Variants in IL12RB2 observed in about 807,000 individuals in gnomAD.
IL12RB2 encodes interleukin-12 receptor subunit beta-2.
In IL12RB2, 82 loss-of-function variants were observed where a neutral mutation model predicts 89.4. The ratio of observed to expected loss-of-function variants is 0.92; its 90% CI spans 0.77 to 1.10. The LOEUF is 1.10. Among genes scored for constraint, IL12RB2 ranks in the 50% least tolerant of loss-of-function variants. The pLI, the probability that IL12RB2 is intolerant of heterozygous loss-of-function variation, is 0.00. For missense variants in IL12RB2, 963 were observed against 1,031.9 expected, an observed-to-expected ratio of 0.93 and a Z score of 0.92; for synonymous variants, 368 against 370.1, an observed-to-expected ratio of 0.99 and a Z score of 0.07.
In IL12RB2 at chr1:67,328,259, A is replaced by G; in HGVS notation, c.539A>G (p.Tyr180Cys). 6.2e-7 allele frequency: 1 copy of G among 1,614,160 alleles called. No individual in the cohort carries two copies. Among genetic ancestry groups the G allele is most frequent in the Non-Finnish European group, 8.5e-7 (1 of 1,180,016 alleles). The stretch of plus-strand genomic sequence containing the variant: ...CAATGTAAAGACATTTATTGTGACT[A>G]TTTGGACTTTGGAATCAACCTCACC... ...QKQCKDIYCDYLDFGINLTPE... is the reference protein window; with the variant it reads ...QKQCKDIYCDCLDFGINLTPE... The change falls in exon 6 of 17, where the codon TAT becomes TGT. Residue 180 changes from tyrosine to cysteine, a missense_variant. Tyr to Cys is a radical substitution (Grantham distance 194). Transcript: ENST00000674203.
intron 13 of IL12RB2, 82 bp downstream of exon 13, chr1:67,372,865 TACAC>T: frequency 1.1e-6 from 1 of 902,124 alleles, no homozygotes; most frequent in Non-Finnish European, 1.9e-6. Context: ...TGTGCACATC[TACAC>T]ACATGTGCTA....
chr1:67,347,657 A>G (rs1201624477), intron 9 of IL12RB2, among the ~76,000 whole-genome samples: 2 of 152,242 alleles, frequency 1.3e-5, no homozygotes, highest in African/African-American at 4.8e-5. Context: ...CCCACAGGTC[A>G]GAGCAGAAAG....
At chr1:67,349,280 T>C (rs1304183963) in intron 9 of IL12RB2, among the ~76,000 whole-genome samples, 1 of 152,170 alleles carries the variant, frequency 6.6e-6, no homozygotes, top group Non-Finnish European at 1.5e-5. Context: ...GTGAGCTCAG[T>C]TAACTCTTGG....
intron 11 of IL12RB2, among the ~76,000 whole-genome samples, chr1:67,371,601 G>T (rs1487660524): frequency 6.6e-6 from 1 of 152,128 alleles, no homozygotes; most frequent in African/African-American, 2.4e-5. Flanking sequence ...TTCAGGAGAG[G>T]TATCTATGAA....
At chr1:67,370,475 C>T (rs1663182946) in intron 11 of IL12RB2, among the ~76,000 whole-genome samples, 1 of 152,198 alleles carries the variant, frequency 6.6e-6, no homozygotes, top group Non-Finnish European at 1.5e-5. Flanking sequence ...CCTTCTTCTT[C>T]CTCGTTACTG....
intron 10 of IL12RB2, among the ~76,000 whole-genome samples, chr1:67,367,500 G>C (rs201643486): frequency 3.1e-5 from 3 of 97,132 alleles, no homozygotes; most frequent in African/African-American, 8.0e-5. Flanking sequence ...AAGAAGGAAG[G>C]AAAGAAGGAA....
intron 2 of IL12RB2, among the ~76,000 whole-genome samples, chr1:67,319,665 G>T (rs1268619901): frequency 6.6e-6 from 1 of 152,172 alleles, no homozygotes; most frequent in Non-Finnish European, 1.5e-5. Context: ...TCTCAGACAG[G>T]TTAAGCAACT....
rs374706909 is a variant in IL12RB2, at chr1:67,340,308, C to T, written c.1038+1605C>T. ...TAGCAAGACAATTCTCAAAGCAGGACATTTAGAACAGCCATAATTTGTGAA... is the reference window on the plus strand; with the variant it reads ...TAGCAAGACAATTCTCAAAGCAGGATATTTAGAACAGCCATAATTTGTGAA... On this transcript the variant is annotated intron_variant, in intron 9 of 16. Transcript: ENST00000674203. Among the ~76,000 whole-genome samples the T allele has an allele frequency of 2.0e-5, 3 of 152,292 alleles. 1 individual carries two copies. The South Asian group carries it at 6.2e-4, about 32-fold the overall frequency.
At chr1:67,329,128 A>G (rs1362555618) in intron 6 of IL12RB2, among the ~76,000 whole-genome samples, 2 of 152,112 alleles carry the variant, frequency 1.3e-5, no homozygotes, top group Non-Finnish European at 2.9e-5. Flanking sequence ...CATTTCTTTC[A>G]TAGACCGTTC....
chr1:67,347,420 C>T (rs1400293676), intron 9 of IL12RB2, among the ~76,000 whole-genome samples: 1 of 152,168 alleles, frequency 6.6e-6, no homozygotes, highest in Non-Finnish European at 1.5e-5. Flanking sequence ...TTCATGGAGA[C>T]ACCCCTCCTC....
chr1:67,346,980 T>C (rs1444740274), intron 9 of IL12RB2, among the ~76,000 whole-genome samples: 1 of 152,154 alleles, frequency 6.6e-6, no homozygotes, highest in Non-Finnish European at 1.5e-5. Flanking sequence ...TCTTAACATG[T>C]GCCAAGCACT....
chr1:67,316,296 C>T (rs1655754181), intron 2 of IL12RB2, among the ~76,000 whole-genome samples: 1 of 152,094 alleles, frequency 6.6e-6, no homozygotes, highest in Non-Finnish European at 1.5e-5. Context: ...GTAAGGCTTC[C>T]TGAAATCTGA....
chr1:67,367,488 C>CAAAGAAGGAAGG (rs1366921294), intron 10 of IL12RB2, among the ~76,000 whole-genome samples: 3 of 25,826 alleles, frequency 1.2e-4, no homozygotes, highest in Non-Finnish European at 2.4e-4. Flanking sequence ...AGGAAGGAAG[C>CAAAGAAGGAAGG]AAAGAAGGAA....
At chr1:67,360,569 G>C (rs1476051555) in intron 10 of IL12RB2, among the ~76,000 whole-genome samples, 1 of 151,994 alleles carries the variant, frequency 6.6e-6, no homozygotes, top group African/African-American at 2.4e-5. Context: ...GCCAAGGCAG[G>C]CAGATCACTT....
chr1:67,380,741 T>C (rs1664485311), intron 14 of IL12RB2, among the ~76,000 whole-genome samples: 2 of 152,124 alleles, frequency 1.3e-5, no homozygotes, highest in African/African-American at 4.8e-5. Flanking sequence ...TGAGAGAGAA[T>C]CTATTCCAGG....
chr1:67,321,719 G>C lies in IL12RB2; in HGVS notation c.194G>C (p.Arg65Pro). Residue 65 changes from arginine to proline, a missense_variant, in exon 4 of 17, where the codon CGT (arginine) becomes CCT (proline). By Grantham distance (103) the Arg-to-Pro change is moderately radical (BLOSUM62 -2). Transcript: ENST00000674203. Reference sequence around the variant, plus strand: ...CAAGGCTGCTTTCACTATTCCAGACGTAACAAGTTAATCCTGTACAAGTTT... The same window carrying C: ...CAAGGCTGCTTTCACTATTCCAGACCTAACAAGTTAATCCTGTACAAGTTT... ...PRQGCFHYSR[R>P]NKLILYKFDR... The C allele has an allele frequency of 6.2e-7, 1 of 1,611,348 alleles. No individual in the cohort carries two copies. The highest frequency in any genetic ancestry group is 8.5e-7 in the Non-Finnish European group (1 of 1,177,588).
intron 9 of IL12RB2, among the ~76,000 whole-genome samples, chr1:67,343,865 A>G (rs932100961): frequency 1.3e-5 from 2 of 152,362 alleles, no homozygotes; most frequent in Non-Finnish European, 2.9e-5. Flanking sequence ...AGTCTGGAAG[A>G]GAAATATTCA....
chr1:67,365,062 T>C (rs1233397882), intron 10 of IL12RB2, among the ~76,000 whole-genome samples: 3 of 152,094 alleles, frequency 2.0e-5, no homozygotes, highest in Non-Finnish European at 4.4e-5. Flanking sequence ...AACACATTGG[T>C]CAAAGTCTCA....
chr1:67,362,252 C>T (rs899366346), intron 10 of IL12RB2, among the ~76,000 whole-genome samples: 1 of 148,554 alleles, frequency 6.7e-6, no homozygotes, highest in Non-Finnish European at 1.5e-5. Flanking sequence ...GCCTGGGTAA[C>T]AAAGTTAGAC....
Sources: gnomAD v4.1 joint callset for allele counts (sites outside exome capture counted in the v4.1 genomes callset) on GRCh38, gnomAD v4.1.1 for gene constraint, MANE v1.5 for transcripts, NCBI Gene and HGNC (gene_info 2026-07-23, HGNC 2026-07-21) for gene names.